MRC1: variants seen among roughly 807,000 people sequenced by gnomAD.
MRC1 encodes the protein macrophage mannose receptor 1.
Under a neutral mutation model 102.9 loss-of-function variants are expected in MRC1, and 62 were observed. The observed-to-expected ratio is 0.60, with a 90% CI of 0.49 to 0.74. The LOEUF (loss-of-function observed/expected upper bound fraction) is 0.74, where lower values mean the gene tolerates loss of function less well. MRC1 is among the 30% of genes least tolerant of loss of function. The pLI is 0.00. For synonymous variants in MRC1, 457 were observed against 298.4 expected, an observed-to-expected ratio of 1.53 and a Z score of -5.48; for missense variants, 1,237 against 862.8, an observed-to-expected ratio of 1.43 and a Z score of -5.43.
At chr10:17,818,590 C>T (rs1030321972) in intron 1 of MRC1, among the ~76,000 whole-genome samples, 1 of 152,168 alleles carries the variant, frequency 6.6e-6, no homozygotes, top group African/African-American at 2.4e-5. Flanking sequence ...GTGCGGATCA[C>T]TTGAGGTCAG....
chr10:17,899,151 A>G (rs1200188952), intron 24 of MRC1, among the ~76,000 whole-genome samples: 1 of 151,990 alleles, frequency 6.6e-6, no homozygotes, highest in Non-Finnish European at 1.5e-5. Context: ...TGAGTGTCAG[A>G]TGTTATGAAG....
At position 17,853,049 on chromosome 10, in the gene MRC1, G is replaced by C. The variant is rs1011525250; in HGVS notation, c.1332G>C (p.Thr444=). ...YFEWSDGTPV[T]FTKWLRGEPS... ...AGTGGAGTGATGGGACCCCTGTAAC[G>C]TTTACCAAATGGCTTCGTGGAGAAC... Residue 444 remains threonine, a synonymous_variant, in exon 8 of 30, where the codon ACG becomes ACC. Coordinates refer to ENST00000569591, the MANE Select transcript of MRC1 (RefSeq NM_002438.4). 2.6e-6 allele frequency: 2 copies of C among 780,638 alleles called. No individual in the cohort carries two copies. The highest frequency in any genetic ancestry group is 1.7e-5 in the African/African-American group (1 of 59,102). The allele number at this position is 780,638 out of a possible 1,614,324, so 48.4% of individuals were successfully genotyped here. A position where few individuals can be genotyped will look rare whatever the true frequency, so the allele number is the denominator to read the frequency against.
At chr10:17,868,094 C>A (rs1833302944) in intron 12 of MRC1, among the ~76,000 whole-genome samples, 1 of 151,994 alleles carries the variant, frequency 6.6e-6, no homozygotes, top group African/African-American at 2.4e-5. Flanking sequence ...AAACAAAAAC[C>A]CCAATGAATT....
intron 1 of MRC1, 34 bp downstream of exon 1, chr10:17,809,560 T>A: frequency 1.1e-6 from 1 of 871,988 alleles, no homozygotes; most frequent in Non-Finnish European, 2.0e-6. Flanking sequence ...ATCTCTGACC[T>A]GGGGGGCCGG....
Position 17,907,720 on chromosome 10 carries a change from T to C in MRC1, c.4078+22T>C, listed in dbSNP as rs1833914662. ...AAAAGTAAGTAAGAAGTTTGTTGCA[T>C]GGTGCATATCACTGGCTGCCATTTC... is the stretch of plus-strand genomic sequence containing the variant. On this transcript the variant is annotated intron_variant, in intron 28 of 29. Transcript: ENST00000569591. 3.8e-6 allele frequency: 3 copies of C among 780,796 alleles called. No homozygotes were observed. In the East Asian group the frequency reaches 7.3e-5, roughly 19 times the overall value. 48.4% of individuals were successfully genotyped at this position (780,796 alleles called of 1,614,324 possible). A position where few individuals can be genotyped will look rare whatever the true frequency, so the allele number is the denominator to read the frequency against.
chr10:17,881,825 T>G (rs1471441917), intron 21 of MRC1, among the ~76,000 whole-genome samples: 1 of 143,702 alleles, frequency 7.0e-6, no homozygotes, highest in African/African-American at 2.6e-5. Flanking sequence ...TCGCCTAATA[T>G]TTTTTAAAGT....
intron 23 of MRC1, among the ~76,000 whole-genome samples, chr10:17,895,692 A>C (rs1034835603): frequency 1.3e-4 from 20 of 152,340 alleles, no homozygotes; most frequent in Non-Finnish European, 2.5e-4. Flanking sequence ...TTTAGTTTCT[A>C]GAGAAACTAG....
intron 3 of MRC1, among the ~76,000 whole-genome samples, chr10:17,828,366 C>T (rs894667084): frequency 5.3e-5 from 8 of 151,472 alleles, no homozygotes; most frequent in African/African-American, 7.4e-5. Flanking sequence ...TGAGCCGGCG[C>T]GCCCGACTAT....
At position 17,823,314 on chromosome 10, in the gene MRC1, A is replaced by C. The variant is rs565698895; in HGVS notation, c.302A>C (p.Glu101Ala). The change falls in exon 2 of 30, where the codon GAG (glutamate) becomes GCG (alanine). Residue 101 changes from glutamate (E) to alanine (A), a missense_variant. Coordinates refer to ENST00000569591, the MANE Select transcript of MRC1 (RefSeq NM_002438.4). ...TCAAAAAGTGAATTTCAGAAATGGG[A>C]GTGCAAAAATGACACACTTTTGGGG... ...CDSKSEFQKWECKNDTLLGIK... is the reference protein window; with the variant it reads ...CDSKSEFQKWACKNDTLLGIK... 1.3e-6 allele frequency: 1 copy of C among 780,852 alleles called. No homozygotes were observed. Among genetic ancestry groups the C allele is most frequent in the Admixed American group, 1.7e-5 (1 of 59,026 alleles). The allele number at this position is 780,852 out of a possible 1,614,324, so 48.4% of individuals were successfully genotyped here.
intron 1 of MRC1, among the ~76,000 whole-genome samples, chr10:17,822,213 C>A (rs966480446): frequency 6.6e-6 from 1 of 152,170 alleles, no homozygotes; most frequent in Non-Finnish European, 1.5e-5. Flanking sequence ...AAGTTATTCT[C>A]ATAAAATATT....
chr10:17,910,233 A>G lies in MRC1; in HGVS notation c.4139A>G (p.Asp1380Gly). 3.8e-6 allele frequency: 3 copies of G among 780,876 alleles called. No homozygotes were observed. The South Asian group carries it at 4.0e-5, about 10-fold the overall frequency. 48.4% of individuals were successfully genotyped at this position (780,876 alleles called of 1,614,324 possible). A position where few individuals can be genotyped will look rare whatever the true frequency, so the allele number is the denominator to read the frequency against. The change falls in exon 30 of 30, where the codon GAC (aspartate) becomes GGC (glycine). Residue 1380 changes from aspartate to glycine, a missense_variant. Transcript: ENST00000569591. Reference sequence around the variant, plus strand: ...TTTATAGCTGACACAAGGAAGATGGACCCTTCTAAACCGTCTTCCAACGTG... The same window carrying G: ...TTTATAGCTGACACAAGGAAGATGGGCCCTTCTAAACCGTCTTCCAACGTG... ...LTTKADTRKM[D>G]PSKPSSNVAG...
At chr10:17,836,050 A>G (rs1400392674) in intron 4 of MRC1, among the ~76,000 whole-genome samples, 2 of 152,070 alleles carry the variant, frequency 1.3e-5, no homozygotes, top group East Asian at 1.9e-4. Context: ...AAACTGGGGG[A>G]GCTTGTGGGG....
intron 8 of MRC1, among the ~76,000 whole-genome samples, chr10:17,853,917 G>A (rs529696882): frequency 2.6e-5 from 4 of 152,100 alleles, no homozygotes; most frequent in African/African-American, 4.8e-5. Flanking sequence ...AATAAGAGCT[G>A]TACTTAGCTC....
chr10:17,849,939 TATA>T (rs1266368025), intron 7 of MRC1, among the ~76,000 whole-genome samples, 175 bp downstream of exon 7: 1,688 of 152,364 alleles, frequency 0.011, 35 homozygotes, highest in African/African-American at 0.039. Flanking sequence ...GTGAAAATTG[TATA>T]ATAATTGAAA....
chr10:17,900,925 T>G lies in MRC1; in HGVS notation c.3621T>G (p.Ser1207Arg), dbSNP rs1833820918. Residue 1207 changes from serine to arginine, a missense_variant, in exon 25 of 30, where the codon AGT becomes AGG. Coordinates refer to ENST00000569591, the MANE Select transcript of MRC1 (RefSeq NM_002438.4). Reference protein sequence around the residue: ...GYWKTAHCNESFYFLCKRSDE... With the variant: ...GYWKTAHCNERFYFLCKRSDE... Reference sequence around the variant, plus strand: ...GGAAGACAGCACATTGCAATGAAAGTTTTTACTTTCTCTGTAAAAGATCAG... The same window carrying G: ...GGAAGACAGCACATTGCAATGAAAGGTTTTACTTTCTCTGTAAAAGATCAG... The G allele has an allele frequency of 1.3e-6, 1 of 780,544 alleles. No individual in the cohort carries two copies. The highest frequency in any genetic ancestry group is 2.4e-5 in the East Asian group (1 of 41,234). 48.4% of individuals were successfully genotyped at this position (780,544 alleles called of 1,614,324 possible). A position where few individuals can be genotyped will look rare whatever the true frequency, so the allele number is the denominator to read the frequency against.
intron 11 of MRC1, among the ~76,000 whole-genome samples, chr10:17,864,556 C>T (rs1833233696): frequency 6.6e-6 from 1 of 151,946 alleles, no homozygotes; most frequent in Admixed American, 6.6e-5. Flanking sequence ...AGGTCGGCCG[C>T]GGTGGCTCAT....
intron 12 of MRC1, among the ~76,000 whole-genome samples, chr10:17,869,625 A>T (rs943552173): frequency 3.9e-5 from 6 of 152,152 alleles, no homozygotes; most frequent in Admixed American, 6.5e-5. Context: ...CCTAAATCAT[A>T]TAATCTTTTA....
chr10:17,884,722 C>T (rs1833566407), intron 21 of MRC1, among the ~76,000 whole-genome samples: 1 of 152,148 alleles, frequency 6.6e-6, no homozygotes, highest in Non-Finnish European at 1.5e-5. Context: ...TCACCTAGTC[C>T]CACCCTTAAT....
rs888162455 is a variant in MRC1, at chr10:17,840,526, T to C, written c.803-167T>C. 3.9e-5 allele frequency among the ~76,000 whole-genome samples: 6 copies of C among 152,298 alleles called. No individual in the cohort carries two copies. In the East Asian group the frequency reaches 9.6e-4, roughly 24 times the overall value. On this transcript the variant is annotated intron_variant, in intron 4 of 29. Coordinates refer to ENST00000569591, the MANE Select transcript of MRC1 (RefSeq NM_002438.4). ...CCACCTATCAGTGAAGGTAATAATT[T>C]TACTTGCCTTAGGTTGTCAGGAGAA...
Sources: gnomAD v4.1 joint callset for allele counts (sites outside exome capture counted in the v4.1 genomes callset) on GRCh38, gnomAD v4.1.1 for gene constraint, MANE v1.5 for transcripts, NCBI Gene and HGNC (gene_info 2026-07-23, HGNC 2026-07-21) for gene names.